GRIN2B: variants seen among roughly 807,000 people sequenced by gnomAD.
GRIN2B encodes the protein glutamate receptor ionotropic, NMDA 2B.
Under a neutral mutation model 114.5 loss-of-function variants are expected in GRIN2B, and 5 were observed. The ratio of observed to expected loss-of-function variants is 0.04; its 90% CI spans 0.02 to 0.09. GRIN2B has a LOEUF of 0.09. Among genes scored for constraint, GRIN2B ranks in the 10% least tolerant of loss-of-function variants. The probability of loss-of-function intolerance (pLI) is 1.00; values close to 1 mark genes in which losing one functional copy is unlikely to be tolerated. For synonymous variants in GRIN2B, 787 were observed against 745.1 expected (o/e 1.06, Z -0.92); for missense variants, 1,108 against 1,943.5 (o/e 0.57, Z 8.08).
chr12:13,895,079 TTGTGTAAA>T (rs1218335338), intron 2 of GRIN2B, among the ~76,000 whole-genome samples: 2 of 152,210 alleles, frequency 1.3e-5, no homozygotes, highest in African/African-American at 4.8e-5. Flanking sequence ...TGTGTGCACA[TTGTGTAAA>T]TATATATGCA....
intron 4 of GRIN2B, among the ~76,000 whole-genome samples, chr12:13,726,757 C>T (rs1234452260): frequency 6.6e-6 from 1 of 151,510 alleles, no homozygotes; most frequent in Non-Finnish European, 1.5e-5. Flanking sequence ...GATTTTGGTG[C>T]ACCCATCACC....
intron 10 of GRIN2B, among the ~76,000 whole-genome samples, chr12:13,590,117 A>AAT (rs1948986235): frequency 6.6e-6 from 1 of 152,130 alleles, no homozygotes; most frequent in Non-Finnish European, 1.5e-5. Context: ...CTTGAAGTAG[A>AAT]ATAAATTAGG....
chr12:13,637,117 G>C (rs1949673011), intron 5 of GRIN2B, among the ~76,000 whole-genome samples: 1 of 152,116 alleles, frequency 6.6e-6, no homozygotes, highest in Admixed American at 6.6e-5. Flanking sequence ...ATACAAATTT[G>C]AGAGACATTG....
At chr12:13,775,240 A>C (rs1863982928) in intron 3 of GRIN2B, among the ~76,000 whole-genome samples, 1 of 152,140 alleles carries the variant, frequency 6.6e-6, no homozygotes, top group South Asian at 2.1e-4. Flanking sequence ...GCAAAAGATA[A>C]ACAGAAGATA....
chr12:13,966,105 A>C (rs1867787017), intron 2 of GRIN2B, among the ~76,000 whole-genome samples: 1 of 152,226 alleles, frequency 6.6e-6, no homozygotes, highest in South Asian at 2.1e-4. Flanking sequence ...AATTTTGGGC[A>C]ATCATTAGAG....
intron 10 of GRIN2B, among the ~76,000 whole-genome samples, chr12:13,599,870 AT>A (rs1461165879): frequency 1.3e-5 from 2 of 152,226 alleles, no homozygotes; most frequent in African/African-American, 4.8e-5. Context: ...GACAAATTCA[AT>A]GATTCCAACA....
At chr12:13,826,639 T>TC (rs1385409929) in intron 3 of GRIN2B, among the ~76,000 whole-genome samples, 2 of 152,142 alleles carry the variant, frequency 1.3e-5, no homozygotes, top group East Asian at 3.9e-4. Flanking sequence ...ATTGTTGTTT[T>TC]CTTTTTTTTA....
intron 13 of GRIN2B, 105 bp downstream of exon 13, chr12:13,566,920 G>T: frequency 1.2e-6 from 1 of 821,448 alleles, no homozygotes. Context: ...TCTTGCTTGA[G>T]CAACATGGGG....
chr12:13,685,489 T>C (rs1412850401), intron 4 of GRIN2B, among the ~76,000 whole-genome samples: 2 of 152,144 alleles, frequency 1.3e-5, no homozygotes, highest in African/African-American at 4.8e-5. Flanking sequence ...GAAGTGATTA[T>C]GTTGAATTGG....
chr12:13,592,719 A>T (rs1273577199), intron 10 of GRIN2B, among the ~76,000 whole-genome samples: 6 of 151,822 alleles, frequency 4.0e-5, no homozygotes, highest in Non-Finnish European at 8.8e-5. Flanking sequence ...TGCTTTCCTA[A>T]CCTCCTTTTG....
chr12:13,666,189 T>C (rs1022870095), intron 5 of GRIN2B, among the ~76,000 whole-genome samples: 1 of 152,174 alleles, frequency 6.6e-6, no homozygotes, highest in Non-Finnish European at 1.5e-5. Flanking sequence ...CTGCCTTCTA[T>C]GTGCACTCTT....
At chr12:13,855,324 T>G (rs966833526) in intron 3 of GRIN2B, among the ~76,000 whole-genome samples, 2 of 152,042 alleles carry the variant, frequency 1.3e-5, no homozygotes, top group Non-Finnish European at 2.9e-5. Flanking sequence ...CTCAGAGAAG[T>G]GAAGGAGTTT....
At chr12:13,946,409 A>T (rs1304065750) in intron 2 of GRIN2B, among the ~76,000 whole-genome samples, 2 of 152,000 alleles carry the variant, frequency 1.3e-5, no homozygotes, top group Non-Finnish European at 2.9e-5. Flanking sequence ...TATACATTTG[A>T]TATCATTCCT....
intron 5 of GRIN2B, among the ~76,000 whole-genome samples, chr12:13,657,964 G>C (rs1324470360): frequency 6.6e-6 from 1 of 152,056 alleles, no homozygotes; most frequent in African/African-American, 2.4e-5. Flanking sequence ...CTAGCCCTTT[G>C]GGAGGCCAAG....
In GRIN2B at chr12:13,857,372, T is replaced by TACACACAC. The variant is rs142914230; in HGVS notation, c.411+8418_411+8425dup. Among the ~76,000 whole-genome samples, 906 of 147,668 alleles carry TACACACAC rather than the reference T, an allele frequency of 6.1e-3. 10 individuals are homozygous for TACACACAC. The highest frequency in any genetic ancestry group is 0.022 in the African/African-American group (870 of 40,352). On this transcript the variant is annotated intron_variant, in intron 3 of 13. Transcript: ENST00000609686. The stretch of plus-strand genomic sequence containing the variant: ...TCAGTGCCTGTGGCGCACGCGTGCA[T>TACACACAC]ACACACACACACACACACACACACA...
At chr12:13,696,943 CT>C (rs1950265516) in intron 4 of GRIN2B, among the ~76,000 whole-genome samples, 2 of 152,168 alleles carry the variant, frequency 1.3e-5, no homozygotes, top group Admixed American at 1.3e-4. Context: ...GTTCTTTATG[CT>C]TCTCCATATC....
chr12:13,949,298 CAG>C (rs1867430874), intron 2 of GRIN2B, among the ~76,000 whole-genome samples: 1 of 152,188 alleles, frequency 6.6e-6, no homozygotes, highest in African/African-American at 2.4e-5. Context: ...CTGGTTGCTA[CAG>C]AGACGTCTCA....
intron 2 of GRIN2B, among the ~76,000 whole-genome samples, chr12:13,912,471 A>G (rs1302791565): frequency 1.3e-5 from 2 of 152,202 alleles, no homozygotes; most frequent in Non-Finnish European, 2.9e-5. Context: ...AACATGACCT[A>G]CACTAAACCG....
chr12:13,842,486 T>C (rs755856821), intron 3 of GRIN2B, among the ~76,000 whole-genome samples: 19 of 152,210 alleles, frequency 1.2e-4, no homozygotes, highest in Non-Finnish European at 2.4e-4. Flanking sequence ...TGTGCCATTT[T>C]CTCCTTTTGT....
Sources: allele counts gnomAD v4.1 joint callset (sites outside exome capture counted in the v4.1 genomes callset), GRCh38; gene constraint gnomAD v4.1.1; transcripts MANE v1.5; gene names NCBI Gene and HGNC (gene_info 2026-07-23, HGNC 2026-07-21).